The following OR6A2 variants were observed in gnomAD, a reference collection of about 807,000 sequenced individuals.
OR6A2 encodes olfactory receptor family 6 subfamily A member 2.
OR6A2 carries 6 observed loss-of-function variants against 7.1 expected under a neutral mutation model. The ratio of observed to expected loss-of-function variants is 0.85; its 90% CI spans 0.46 to 1.68. OR6A2 has a LOEUF of 1.68. Ranked by LOEUF, OR6A2 falls within the 40% of genes most tolerant of loss-of-function variation. The pLI is 0.01. For synonymous variants in OR6A2, 162 were observed against 152.1 expected (o/e 1.06, Z -0.48); for missense variants, 431 against 398.0 (o/e 1.08, Z -0.71).
chr11:6,795,829 C>A lies in OR6A2; in HGVS notation c.-121G>T. On this transcript the variant is annotated 5_prime_UTR_variant, in exon 2 of 2. The change abolishes an upstream ATG in the 5' untranslated region. Coordinates refer to ENST00000641196, the MANE Select transcript of OR6A2 (RefSeq NM_003696.3). ...TTGGTCGAATACCACGTAAGGAGTT[C>A]ATGTAATTAATCACTGAGCTGAGGC... The A allele has an allele frequency of 1.2e-6, 1 of 815,976 alleles. No homozygotes were observed. The highest frequency in any genetic ancestry group is 1.8e-5 in the South Asian group (1 of 55,066). 50.5% of individuals were successfully genotyped at this position (815,976 alleles called of 1,614,324 possible).
rs1169462014 is a variant in OR6A2, at chr11:6,795,508, C to A, written c.201G>T (p.Met67Ile). 2 of 1,613,952 alleles carry A rather than the reference C, an allele frequency of 1.2e-6. No homozygotes were observed. The highest frequency in any genetic ancestry group is 2.7e-5 in the African/African-American group (2 of 74,900). The change falls in exon 2 of 2, where the codon ATG becomes ATT. Residue 67 changes from methionine (M) to isoleucine (I), a missense_variant. Met to Ile is a conservative substitution (Grantham distance 10). Coordinates refer to ENST00000641196, the MANE Select transcript of OR6A2 (RefSeq NM_003696.3). ...TGACATACCAGATCTCCAGAAAGGA[C>A]ATATTAGCTAGAAAAAAGTACATGG... ...HKPMYFFLAN[M>I]SFLEIWYVTV...
chr11:6,794,604 G>GA lies in OR6A2; in HGVS notation c.*120_*121insT. 7.8e-7 allele frequency: 1 copy of GA among 1,289,580 alleles called. No homozygotes were observed. 79.9% of individuals were successfully genotyped at this position (1,289,580 alleles called of 1,614,324 possible). On this transcript the variant is annotated 3_prime_UTR_variant, in exon 2 of 2. Transcript: ENST00000641196. ...GGACTAGTTAAAGAAAGTATTCCTA[G>GA]TTCCATAGTGATGCCTTTGAAACTC... is the stretch of plus-strand genomic sequence containing the variant.
At chr11:6,798,003 T>C (rs1847764629) in intron 1 of OR6A2, among the ~76,000 whole-genome samples, 1 of 152,178 alleles carries the variant, frequency 6.6e-6, no homozygotes, top group Non-Finnish European at 1.5e-5. Flanking sequence ...GTGAGATTCC[T>C]GTGGTTACTT....
chr11:6,795,730 T>G lies in OR6A2; in HGVS notation c.-22A>C, dbSNP rs747131232. 6.2e-6 allele frequency: 10 copies of G among 1,609,986 alleles called. No individual in the cohort carries two copies. The highest frequency in any genetic ancestry group is 8.5e-6 in the Non-Finnish European group (10 of 1,177,620). On this transcript the variant is annotated 5_prime_UTR_variant, in exon 2 of 2. Transcript: ENST00000641196. ...CCATGTCATTGGTCTCTCTTACTGC[T>G]CTTCAGGAGATGAGAGTAGAGAGTC...
Position 6,795,071 on chromosome 11 carries a change from A to C in OR6A2, c.638T>G (p.Leu213Arg). The change falls in exon 2 of 2, where the codon CTA becomes CGA. Residue 213 changes from leucine (L) to arginine (R), a missense_variant. By Grantham distance (102) the Leu-to-Arg change is moderately radical. Coordinates refer to ENST00000641196, the MANE Select transcript of OR6A2 (RefSeq NM_003696.3). The part of the protein sequence containing the change: ...TDFILAIFIL[L>R]GPLSVTGASY... Reference sequence around the variant, plus strand: ...GGCCCCAGTGACAGAGAGTGGCCCTAGAAGAATAAAAATGGCCAGGATGAA... The same window carrying C: ...GGCCCCAGTGACAGAGAGTGGCCCTCGAAGAATAAAAATGGCCAGGATGAA... The C allele has an allele frequency of 1.2e-6, 2 of 1,614,170 alleles. No individual in the cohort carries two copies. The highest frequency in any genetic ancestry group is 1.7e-6 in the Non-Finnish European group (2 of 1,180,014).
intron 1 of OR6A2, among the ~76,000 whole-genome samples, chr11:6,797,730 C>T: frequency 6.6e-6 from 1 of 152,184 alleles, no homozygotes; most frequent in South Asian, 2.1e-4. Context: ...AATCATTTAG[C>T]CTACAGGTAC....
chr11:6,798,754 C>A (rs1264463618), intron 1 of OR6A2, among the ~76,000 whole-genome samples: 1 of 152,198 alleles, frequency 6.6e-6, no homozygotes, highest in Non-Finnish European at 1.5e-5. Context: ...CACCCACTCT[C>A]TTCCTAGGAA....
chr11:6,794,727 A>G lies in OR6A2; in HGVS notation c.982T>C (p.Ter328GlnextTer28). ...TTATCAGATTTCACACATCCCTTCT[A>G]TACATTTCTGCTAGCTTTCTTGGGG... is the stretch of plus-strand genomic sequence containing the variant. ...PDPKKASRNV[*>Q] Residue 328 changes from the stop codon to glutamine, a stop_lost, in exon 2 of 2, where the codon TAG (stop) becomes CAG (glutamine). Transcript: ENST00000641196. 6.2e-7 allele frequency: 1 copy of G among 1,613,434 alleles called. No individual in the cohort carries two copies. Among genetic ancestry groups the G allele is most frequent in the Non-Finnish European group, 8.5e-7 (1 of 1,179,618 alleles).
chr11:6,797,663 C>T (rs546681141), intron 1 of OR6A2, among the ~76,000 whole-genome samples: 1 of 152,250 alleles, frequency 6.6e-6, no homozygotes, highest in South Asian at 2.1e-4. Flanking sequence ...CAAAACTGAC[C>T]ATTTTACTCT....
chr11:6,794,452 T>C lies in OR6A2; in HGVS notation c.*273A>G, dbSNP rs1847722310. 9.9e-6 allele frequency: 4 copies of C among 403,182 alleles called. No individual in the cohort carries two copies. In the South Asian group the frequency reaches 1.7e-4, roughly 17 times the overall value. The allele number at this position is 403,182 out of a possible 1,614,324, so 25.0% of individuals were successfully genotyped here. A position where few individuals can be genotyped will look rare whatever the true frequency, so the allele number is the denominator to read the frequency against. The stretch of plus-strand genomic sequence containing the variant: ...CGTAATGAAGCCTGTGCTTCCTTGA[T>C]TGGAACCTTGTCTATGCAAATTACA... On this transcript the variant is annotated 3_prime_UTR_variant, in exon 2 of 2. Coordinates refer to ENST00000641196, the MANE Select transcript of OR6A2 (RefSeq NM_003696.3).
Position 6,794,618 on chromosome 11 carries a change from C to A in OR6A2, c.*107G>T. On this transcript the variant is annotated 3_prime_UTR_variant, in exon 2 of 2. Coordinates refer to ENST00000641196, the MANE Select transcript of OR6A2 (RefSeq NM_003696.3). ...AAGTATTCCTAGTTCCATAGTGATGCCTTTGAAACTCTGGCCCCCAATTTA... is the reference window on the plus strand; with the variant it reads ...AAGTATTCCTAGTTCCATAGTGATGACTTTGAAACTCTGGCCCCCAATTTA... 4.3e-6 allele frequency: 6 copies of A among 1,380,528 alleles called. No homozygotes were observed. Among genetic ancestry groups the A allele is most frequent in the Middle Eastern group, 1.9e-4 (1 of 5,234 alleles). 85.5% of individuals were successfully genotyped at this position (1,380,528 alleles called of 1,614,324 possible).
At chr11:6,796,885 A>C (rs1332529769) in intron 1 of OR6A2, among the ~76,000 whole-genome samples, 1 of 152,096 alleles carries the variant, frequency 6.6e-6, no homozygotes, top group Non-Finnish European at 1.5e-5. Flanking sequence ...TAGCATTGGG[A>C]GAGAGTGTGG....
chr11:6,797,945 G>A (rs1589999430), intron 1 of OR6A2, among the ~76,000 whole-genome samples: 1 of 152,222 alleles, frequency 6.6e-6, no homozygotes, highest in Middle Eastern at 3.4e-3. Context: ...TCTATCCATA[G>A]AGACATTAGG....
Position 6,799,545 on chromosome 11 carries a change from T to C in OR6A2, c.-178A>G, listed in dbSNP as rs1424444656. On this transcript the variant is annotated splice_region_variant and 5_prime_UTR_variant, in exon 1 of 2. Coordinates refer to ENST00000641196, the MANE Select transcript of OR6A2 (RefSeq NM_003696.3). ...CAGCAGATAACAGAATCCACTCACTTTATTCAGATGTCACTGACTCATCAA... is the reference window on the plus strand; with the variant it reads ...CAGCAGATAACAGAATCCACTCACTCTATTCAGATGTCACTGACTCATCAA... 1 of 152,166 alleles carries C rather than the reference T, an allele frequency of 6.6e-6. No homozygotes were observed. The highest frequency in any genetic ancestry group is 1.5e-5 in the Non-Finnish European group (1 of 68,030). 9.4% of individuals were successfully genotyped at this position (152,166 alleles called of 1,614,324 possible). A position where few individuals can be genotyped will look rare whatever the true frequency, so the allele number is the denominator to read the frequency against.
In OR6A2 at chr11:6,794,601, C is replaced by T. The variant is rs1847723365; in HGVS notation, c.*124G>A. ...CTTGGACTAGTTAAAGAAAGTATTC[C>T]TAGTTCCATAGTGATGCCTTTGAAA... is the stretch of plus-strand genomic sequence containing the variant. On this transcript the variant is annotated 3_prime_UTR_variant, in exon 2 of 2. Coordinates refer to ENST00000641196, the MANE Select transcript of OR6A2 (RefSeq NM_003696.3). 7.9e-7 allele frequency: 1 copy of T among 1,259,934 alleles called. No homozygotes were observed. Among genetic ancestry groups the T allele is most frequent in the Non-Finnish European group, 1.1e-6 (1 of 907,188 alleles). The allele number at this position is 1,259,934 out of a possible 1,614,324, so 78.0% of individuals were successfully genotyped here.
At position 6,792,365 on chromosome 11, in the gene OR6A2, C is replaced by A. The variant is rs1021609072; in HGVS notation, c.*2360G>T. The A allele has an allele frequency of 3.9e-5, 6 of 152,150 alleles. No homozygotes were observed. The highest frequency in any genetic ancestry group is 7.3e-5 in the Non-Finnish European group (5 of 68,038). 9.4% of individuals were successfully genotyped at this position (152,150 alleles called of 1,614,324 possible). On this transcript the variant is annotated 3_prime_UTR_variant, in exon 2 of 2. Transcript: ENST00000641196. ...ATGTGCTGTGAAGAAACTTAAAAGGCAGACTGAGAAATCTGGAGTTTACTC... is the reference window on the plus strand; with the variant it reads ...ATGTGCTGTGAAGAAACTTAAAAGGAAGACTGAGAAATCTGGAGTTTACTC...
chr11:6,799,461 A>G (rs1847779404), intron 1 of OR6A2, 83 bp downstream of exon 1: 1 of 152,198 alleles, frequency 6.6e-6, no homozygotes, highest in Admixed American at 6.6e-5. Context: ...GAATAAGAAG[A>G]TGGCTATATT....
rs1847696128 is a variant in OR6A2, at chr11:6,792,161, G to C, written c.*2564C>G. The stretch of plus-strand genomic sequence containing the variant: ...GCAGAACAATTGTTATTTTTAAAAT[G>C]CTGTTTATCAAGAAGGATTTTTGTT... On this transcript the variant is annotated 3_prime_UTR_variant, in exon 2 of 2. Transcript: ENST00000641196. 1 of 152,128 alleles carries C rather than the reference G, an allele frequency of 6.6e-6. No homozygotes were observed. Among genetic ancestry groups the C allele is most frequent in the Non-Finnish European group, 1.5e-5 (1 of 68,026 alleles). The allele number at this position is 152,128 out of a possible 1,614,324, so 9.4% of individuals were successfully genotyped here.
rs1358504040 is a variant in OR6A2 at position 6,798,307 on chromosome 11, C to A, written c.-177+1237G>T. Among the ~76,000 whole-genome samples, 15 of 152,198 alleles carry A rather than the reference C, an allele frequency of 9.9e-5. No individual in the cohort carries two copies. The East Asian group carries it at 2.9e-3, about 29-fold the overall frequency. ...AGTTTCCTAGATATTCTGTACCCAT[C>A]CACCCTTTCCCCCAACACACATCCC... On this transcript the variant is annotated intron_variant, in intron 1 of 1. Transcript: ENST00000641196.
Sources: gnomAD v4.1 joint callset for allele counts (sites outside exome capture counted in the v4.1 genomes callset) on GRCh38, gnomAD v4.1.1 for gene constraint, MANE v1.5 for transcripts, NCBI Gene and HGNC (gene_info 2026-07-23, HGNC 2026-07-21) for gene names.